Variants in MAGOHB observed in about 807,000 individuals in gnomAD.
The protein encoded by MAGOHB is protein mago nashi homolog 2.
Under a neutral mutation model 20.9 loss-of-function variants are expected in MAGOHB, and 15 were observed. The observed-to-expected ratio is 0.72, with a 90% CI of 0.48 to 1.11. The LOEUF (loss-of-function observed/expected upper bound fraction) is 1.11. MAGOHB is among the 50% of genes least tolerant of loss of function. The pLI, the probability that MAGOHB is intolerant of heterozygous loss-of-function variation, is 0.00. For missense variants in MAGOHB, 162 were observed against 177.6 expected (o/e 0.91, Z 0.50); for synonymous variants, 50 against 57.9 (o/e 0.86, Z 0.62).
In MAGOHB at chr12:10,608,146, G is replaced by T. The variant is rs73257988; in HGVS notation, c.265-210C>A. ...CTCACGCGCACTACCCCCAAGTTTA[G>T]GACCAACAAAGAATTGCTTTCCAGA... is the stretch of plus-strand genomic sequence containing the variant. On this transcript the variant is annotated intron_variant, in intron 3 of 4. Coordinates refer to ENST00000320756, the MANE Select transcript of MAGOHB (RefSeq NM_018048.5). The T allele has an allele frequency of 7.5e-3, 2,840 of 379,264 alleles. 76 individuals are homozygous for T. Among genetic ancestry groups the T allele is most frequent in the African/African-American group, 0.053 (2,503 of 47,350 alleles). The allele number at this position is 379,264 out of a possible 1,614,324, so 23.5% of individuals were successfully genotyped here.
At chr12:10,612,232 TAACATAACATAACA>T (rs1378610907) in intron 1 of MAGOHB, among the ~76,000 whole-genome samples, 3 of 149,080 alleles carry the variant, frequency 2.0e-5, no homozygotes, top group Non-Finnish European at 4.4e-5. Context: ...TAACATAACA[TAACATAACATAACA>T]TAATTAGCTG....
intron 1 of MAGOHB, 89 bp downstream of exon 1, chr12:10,613,350 T>A: frequency 8.9e-7 from 1 of 1,122,708 alleles, no homozygotes; most frequent in Non-Finnish European, 1.4e-6. Context: ...AGGGAAGCAG[T>A]GGCCTCCGCC....
chr12:10,609,254 T>C (rs1171229154), intron 3 of MAGOHB: 5 of 326,054 alleles, frequency 1.5e-5, no homozygotes, highest in African/African-American at 8.6e-5. Flanking sequence ...TAAATGTTTC[T>C]TCCTTCCAGG....
rs1407636320 is a variant in MAGOHB at position 10,611,806 on chromosome 12, A to G, written c.95-1126T>C. ...GAAACGCGTCTTCGGGAGGCTCAAT[A>G]TCACCAATGGAAGTATGTGTAACAG... On this transcript the variant is annotated intron_variant, in intron 1 of 4. Transcript: ENST00000320756. 2.0e-5 allele frequency among the ~76,000 whole-genome samples: 3 copies of G among 150,488 alleles called. No individual in the cohort carries two copies. In the East Asian group the frequency reaches 5.8e-4, roughly 29 times the overall value.
At chr12:10,611,482 C>T (rs1332523002) in intron 1 of MAGOHB, among the ~76,000 whole-genome samples, 1 of 152,086 alleles carries the variant, frequency 6.6e-6, no homozygotes, top group Non-Finnish European at 1.5e-5. Flanking sequence ...CACAGTGGCT[C>T]ATGCCTGTAA....
chr12:10,610,537 T>C, intron 2 of MAGOHB, 85 bp downstream of exon 2: 1 of 1,406,828 alleles, frequency 7.1e-7, no homozygotes, highest in South Asian at 1.5e-5. Flanking sequence ...AGATGTACTT[T>C]TTTAAATTCA....
intron 4 of MAGOHB, 76 bp from the exon 5 acceptor site, chr12:10,606,450 A>C: frequency 2.7e-6 from 2 of 752,766 alleles, no homozygotes; most frequent in Non-Finnish European, 4.3e-6. Context: ...AACAAAACAA[A>C]TCAAAATCTC....
At chr12:10,612,491 C>G (rs986529153) in intron 1 of MAGOHB, 1 of 187,044 alleles carries the variant, frequency 5.3e-6, no homozygotes, top group Admixed American at 6.3e-5. Flanking sequence ...ATATACGTTC[C>G]TTCTCTAATT....
downstream of MAGOHB, among the ~76,000 whole-genome samples, chr12:10,602,640 CTT>C (rs1300300051): frequency 6.6e-6 from 1 of 152,210 alleles, no homozygotes; most frequent in African/African-American, 2.4e-5. Flanking sequence ...TCCAAATTCA[CTT>C]TTGTGCAAAA....
chr12:10,607,565 G>C (rs994146386), intron 4 of MAGOHB, among the ~76,000 whole-genome samples: 4 of 152,134 alleles, frequency 2.6e-5, no homozygotes, highest in African/African-American at 9.7e-5. Context: ...TCTTTCCTTT[G>C]GATTTGCTGA....
At chr12:10,603,296 A>G (rs1304653064), downstream of MAGOHB, among the ~76,000 whole-genome samples, 1 of 140,000 alleles carries the variant, frequency 7.1e-6, no homozygotes, top group Non-Finnish European at 1.5e-5. Context: ...CCTGGGTGAC[A>G]GAGGGAGACT....
At chr12:10,600,107 T>C (rs1234993984), downstream of MAGOHB, among the ~76,000 whole-genome samples, 7 of 152,140 alleles carry the variant, frequency 4.6e-5, no homozygotes, top group Non-Finnish European at 1.0e-4. Flanking sequence ...TTTAAATTAC[T>C]TTAAAAGATC....
At chr12:10,601,559 T>C (rs76165970), downstream of MAGOHB, among the ~76,000 whole-genome samples, 1 of 152,176 alleles carries the variant, frequency 6.6e-6, no homozygotes, top group Non-Finnish European at 1.5e-5. Context: ...TCTCTAAGTC[T>C]TGTATTCACC....
intron 1 of MAGOHB, chr12:10,613,113 C>T (rs1421872348): frequency 3.9e-6 from 2 of 515,264 alleles, no homozygotes; most frequent in African/African-American, 3.9e-5. Context: ...AGATTTTATT[C>T]ATCCACTGGA....
intron 3 of MAGOHB, chr12:10,609,536 G>A (rs1241574715): frequency 7.2e-6 from 3 of 415,286 alleles, no homozygotes; most frequent in Non-Finnish European, 1.3e-5. Flanking sequence ...TAATAAAAGT[G>A]ATTAACACAC....
intron 4 of MAGOHB, among the ~76,000 whole-genome samples, chr12:10,607,167 A>G (rs891725384): frequency 6.6e-6 from 1 of 152,142 alleles, no homozygotes; most frequent in African/African-American, 2.4e-5. Flanking sequence ...CTTTCCACTA[A>G]CAAATATTTA....
Position 10,613,588 on chromosome 12 carries a change from C to A in MAGOHB, c.-56G>T. On this transcript the variant is annotated 5_prime_UTR_variant, in exon 1 of 5. Coordinates refer to ENST00000320756, the MANE Select transcript of MAGOHB (RefSeq NM_018048.5). ...AGCCAACGTGTCCCCCGGCGCCTTG[C>A]AGTGACGTCATCGCGCGGAATAAGT... 2.6e-6 allele frequency: 3 copies of A among 1,157,114 alleles called. No individual in the cohort carries two copies. The highest frequency in any genetic ancestry group is 3.9e-6 in the Non-Finnish European group (3 of 762,780). 71.7% of individuals were successfully genotyped at this position (1,157,114 alleles called of 1,614,324 possible).
Position 10,606,383 on chromosome 12 carries a change from T to A in MAGOHB, c.348-9A>T. 1 of 1,472,870 alleles carries A rather than the reference T, an allele frequency of 6.8e-7. No homozygotes were observed. The highest frequency in any genetic ancestry group is 9.3e-7 in the Non-Finnish European group (1 of 1,080,620). 91.2% of individuals were successfully genotyped at this position (1,472,870 alleles called of 1,614,324 possible). ...GAAGGCCTTCAGGATCCCTAAAATT[T>A]AAAAAGGTAAAAGTTACTTTTTCTT... is the stretch of plus-strand genomic sequence containing the variant. On this transcript the variant is annotated splice_polypyrimidine_tract_variant and intron_variant, in intron 4 of 4. Coordinates refer to ENST00000320756, the MANE Select transcript of MAGOHB (RefSeq NM_018048.5).
intron 1 of MAGOHB, chr12:10,612,736 G>T: frequency 6.0e-6 from 7 of 1,175,412 alleles, no homozygotes; most frequent in Non-Finnish European, 7.5e-6. Context: ...TTGCAGGTAG[G>T]CAAGATCAAT....
Sources: gnomAD v4.1 joint callset for allele counts (sites outside exome capture counted in the v4.1 genomes callset) on GRCh38, gnomAD v4.1.1 for gene constraint, MANE v1.5 for transcripts, NCBI Gene and HGNC (gene_info 2026-07-23, HGNC 2026-07-21) for gene names.